PREX1: variants seen among roughly 807,000 people sequenced by gnomAD.
PREX1 encodes phosphatidylinositol-3,4,5-trisphosphate dependent Rac exchange factor 1.
A neutral mutation model predicts 198.3 loss-of-function variants in PREX1; 41 were observed. That is an observed-to-expected ratio of 0.21 (90% CI 0.16 to 0.27). The LOEUF is 0.27. PREX1 is among the 10% of genes least tolerant of loss of function. PREX1 has a pLI of 1.00. For synonymous variants in PREX1, 843 were observed against 887.2 expected (o/e 0.95, Z 0.89); for missense variants, 1,620 against 2,200.7 (o/e 0.74, Z 5.28).
At chr20:48,788,449 T>G (rs1050481466) in intron 1 of PREX1, among the ~76,000 whole-genome samples, 1 of 152,096 alleles carries the variant, frequency 6.6e-6, no homozygotes, top group Non-Finnish European at 1.5e-5. Context: ...GCCACCAGCT[T>G]CTATTCCCTC....
At chr20:48,689,582 C>T (rs773298478) in intron 9 of PREX1, among the ~76,000 whole-genome samples, 40 of 152,124 alleles carry the variant, frequency 2.6e-4, no homozygotes, top group Admixed American at 1.4e-3. Flanking sequence ...CATCCCCACC[C>T]GTGATCCCAT....
intron 1 of PREX1, among the ~76,000 whole-genome samples, chr20:48,804,012 T>C (rs781200055): frequency 6.6e-6 from 1 of 152,248 alleles, no homozygotes; most frequent in Non-Finnish European, 1.5e-5. Flanking sequence ...CTGTAATGTC[T>C]CACTTAGGTG....
intron 1 of PREX1, among the ~76,000 whole-genome samples, chr20:48,793,166 T>C (rs2090346193): frequency 6.6e-6 from 1 of 152,206 alleles, no homozygotes. Flanking sequence ...ATCGTGCCAC[T>C]GCACTCCATC....
intron 10 of PREX1, among the ~76,000 whole-genome samples, chr20:48,682,870 C>T (rs1363692451): frequency 6.6e-6 from 1 of 152,212 alleles, no homozygotes; most frequent in African/African-American, 2.4e-5. Flanking sequence ...CCCTGCTTAT[C>T]GAAACCAGCT....
chr20:48,753,374 T>C (rs2090142526), intron 1 of PREX1, among the ~76,000 whole-genome samples: 1 of 152,162 alleles, frequency 6.6e-6, no homozygotes, highest in Non-Finnish European at 1.5e-5. Flanking sequence ...CTGAGCCCAG[T>C]GGTTCTCAAC....
At chr20:48,701,038 T>G in intron 6 of PREX1, 152 bp from the exon 7 acceptor site, 1 of 1,078,144 alleles carries the variant, frequency 9.3e-7, no homozygotes, top group Non-Finnish European at 1.4e-6. Flanking sequence ...ACGTGATTAG[T>G]GGCTTCTATC....
At chr20:48,756,027 T>C (rs1265079043) in intron 1 of PREX1, among the ~76,000 whole-genome samples, 1 of 152,186 alleles carries the variant, frequency 6.6e-6, no homozygotes, top group Non-Finnish European at 1.5e-5. Context: ...TCCTTGGATA[T>C]GTGTATCCCT....
intron 13 of PREX1, 117 bp from the exon 14 acceptor site, chr20:48,676,385 C>T (rs2089709660): frequency 3.2e-6 from 3 of 928,462 alleles, no homozygotes; most frequent in Non-Finnish European, 5.2e-6. Context: ...GCTCTCTAGG[C>T]ATTGGGCAGG....
At chr20:48,638,491 C>T (rs989521527) in intron 30 of PREX1, among the ~76,000 whole-genome samples, 2 of 152,194 alleles carry the variant, frequency 1.3e-5, no homozygotes, top group Admixed American at 1.3e-4. Context: ...CCTCGGCCCA[C>T]AAAAGGGCTT....
chr20:48,766,395 C>T (rs1417721325), intron 1 of PREX1, among the ~76,000 whole-genome samples: 1 of 152,222 alleles, frequency 6.6e-6, no homozygotes. Flanking sequence ...CCCAGCCCAT[C>T]AGCCGCTCCC....
chr20:48,733,128 G>A (rs933909379), intron 4 of PREX1, among the ~76,000 whole-genome samples: 1 of 152,238 alleles, frequency 6.6e-6, no homozygotes, highest in African/African-American at 2.4e-5. Context: ...CTCAAAGGAG[G>A]TCACAAATGA....
In PREX1 at chr20:48,827,117, C is replaced by T. The variant is rs2090512381; in HGVS notation, c.219+525G>A. Among the ~76,000 whole-genome samples, 1 of 152,154 alleles carries T rather than the reference C, an allele frequency of 6.6e-6. No individual in the cohort carries two copies. Among genetic ancestry groups the T allele is most frequent in the Non-Finnish European group, 1.5e-5 (1 of 68,022 alleles). ...ACTCTCCCCGAACTCCAGCAAAAACCTGTGCATGGGGGATTCTACCCTGGG... is the reference window on the plus strand; with the variant it reads ...ACTCTCCCCGAACTCCAGCAAAAACTTGTGCATGGGGGATTCTACCCTGGG... On this transcript the variant is annotated intron_variant, in intron 1 of 39. Coordinates refer to ENST00000371941, the MANE Select transcript of PREX1 (RefSeq NM_020820.4). This position sits in a 1 kb window ranked among gnomAD's most constrained non-coding sequence, Gnocchi z 4.1.
At chr20:48,650,242 G>C in intron 23 of PREX1, 36 bp from the exon 24 acceptor site, 2 of 1,566,962 alleles carry the variant, frequency 1.3e-6, no homozygotes, top group Non-Finnish European at 1.8e-6. Flanking sequence ...GTGAATCACA[G>C]GGCAGGGTCT....
At chr20:48,673,292 G>A (rs749696944) in intron 14 of PREX1, among the ~76,000 whole-genome samples, 5 of 152,100 alleles carry the variant, frequency 3.3e-5, no homozygotes, top group East Asian at 3.9e-4. Flanking sequence ...TATTTCCATC[G>A]GCCTAATGCA....
intron 39 of PREX1, 120 bp from the exon 40 acceptor site, chr20:48,626,047 A>G (rs1169114737): frequency 8.9e-7 from 1 of 1,121,590 alleles, no homozygotes; most frequent in Non-Finnish European, 1.2e-6. Context: ...ACAGGTATAT[A>G]AAAGATGCAG....
intron 13 of PREX1, among the ~76,000 whole-genome samples, chr20:48,678,380 A>T (rs1313348117): frequency 6.6e-6 from 1 of 151,876 alleles, no homozygotes; most frequent in Non-Finnish European, 1.5e-5. Flanking sequence ...CTCAGGTGGG[A>T]GGACTGCCTG....
chr20:48,726,296 G>A lies in PREX1; in HGVS notation c.615C>T (p.Leu205=). 6.2e-7 allele frequency: 1 copy of A among 1,613,208 alleles called. No individual in the cohort carries two copies. The change falls in exon 5 of 40, where the codon CTC becomes CTT. Residue 205 remains leucine (L), a synonymous_variant. Transcript: ENST00000371941. ...PIQRICKYPL[L]LKELAKRTPG... Reference sequence around the variant, plus strand: ...AAATACGGGAAAGTCTCACCTTAAGGAGGAGCGGGTACTTGCAGATCCTCT... The same window carrying A: ...AAATACGGGAAAGTCTCACCTTAAGAAGGAGCGGGTACTTGCAGATCCTCT...
At position 48,666,139 on chromosome 20, in the gene PREX1, G is replaced by A; in HGVS notation, c.1738+144C>T. On this transcript the variant is annotated intron_variant, in intron 15 of 39. Transcript: ENST00000371941. The surrounding 1 kb of genome is among the most constrained non-coding windows in gnomAD (Gnocchi z 4.3). Reference sequence around the variant, plus strand: ...CTCGATCGGTTCAGAACGGGAAGGGGAGGGAGGTGGGATTCGTGAGCCTCC... The same window carrying A: ...CTCGATCGGTTCAGAACGGGAAGGGAAGGGAGGTGGGATTCGTGAGCCTCC... 9 of 749,516 alleles carry A rather than the reference G, an allele frequency of 1.2e-5. No individual in the cohort carries two copies. The South Asian group carries it at 1.4e-4, about 11-fold the overall frequency. The allele number at this position is 749,516 out of a possible 1,614,324, so 46.4% of individuals were successfully genotyped here.
In PREX1 at chr20:48,764,611, A is replaced by G. The variant is rs144100285; in HGVS notation, c.220-16731T>C. ...CAGCCTGGCCAACATACCAAAACCC[A>G]ATCTCTAGTAAAAATTAAAAAATTA... On this transcript the variant is annotated intron_variant, in intron 1 of 39. Coordinates refer to ENST00000371941, the MANE Select transcript of PREX1 (RefSeq NM_020820.4). Among the ~76,000 whole-genome samples, 149 of 152,074 alleles carry G rather than the reference A, an allele frequency of 9.8e-4. 1 individual carries two copies. Among genetic ancestry groups the G allele is most frequent in the African/African-American group, 3.4e-3 (141 of 41,510 alleles).
Sources: allele counts gnomAD v4.1 joint callset (sites outside exome capture counted in the v4.1 genomes callset), GRCh38; gene constraint gnomAD v4.1.1; non-coding constraint Gnocchi (gnomAD v3.1); transcripts MANE v1.5; gene names NCBI Gene and HGNC (gene_info 2026-07-23, HGNC 2026-07-21).